Variants in CCDC192 observed in about 807,000 individuals in gnomAD.
The protein encoded by CCDC192 is coiled-coil domain containing 192.
At chr5:127,762,492 A>C (rs963582618) in intron 3 of CCDC192, among the ~76,000 whole-genome samples, 4 of 152,186 alleles carry the variant, frequency 2.6e-5, no homozygotes, top group African/African-American at 9.7e-5. Context: ...AATGCAAGGA[A>C]AAAAATAGAA....
At chr5:127,869,924 A>G (rs182919282) in intron 5 of CCDC192, among the ~76,000 whole-genome samples, 26 of 152,304 alleles carry the variant, frequency 1.7e-4, no homozygotes, top group Admixed American at 1.2e-3. Flanking sequence ...TTTGATTTCC[A>G]AGATCTGACT....
intron 2 of CCDC192, among the ~76,000 whole-genome samples, chr5:127,734,241 A>G (rs1444613513): frequency 2.6e-5 from 4 of 151,554 alleles, no homozygotes; most frequent in Admixed American, 2.6e-4. Flanking sequence ...CCATGTCCCT[A>G]CAAAGGACAT....
At chr5:127,865,078 C>T (rs767666515) in intron 5 of CCDC192, among the ~76,000 whole-genome samples, 6 of 152,014 alleles carry the variant, frequency 3.9e-5, no homozygotes, top group Non-Finnish European at 5.9e-5. Flanking sequence ...ACCCGGGAGG[C>T]GGAGGTTGCA....
intron 3 of CCDC192, among the ~76,000 whole-genome samples, chr5:127,773,844 T>G (rs1345926450): frequency 6.6e-6 from 1 of 152,196 alleles, no homozygotes; most frequent in Non-Finnish European, 1.5e-5. Flanking sequence ...ACCAATTATT[T>G]TCCACATTGC....
intron 6 of CCDC192, among the ~76,000 whole-genome samples, chr5:127,899,498 TAAAG>T (rs1752982784): frequency 6.9e-6 from 1 of 143,916 alleles, no homozygotes; most frequent in Admixed American, 7.2e-5. Flanking sequence ...CTCCTGAACT[TAAAG>T]AACATAAACA....
At chr5:127,841,864 G>A (rs1221642480) in intron 5 of CCDC192, among the ~76,000 whole-genome samples, 1 of 152,186 alleles carries the variant, frequency 6.6e-6, no homozygotes, top group African/African-American at 2.4e-5. Context: ...GTTTCTACAG[G>A]GGCCAGGCAG....
rs1216710560 is a variant in CCDC192 at position 127,797,800 on chromosome 5, A to AAT, written c.355-295_355-294dup. On this transcript the variant is annotated intron_variant, in intron 4 of 6. Transcript: ENST00000514853. ...ATATTTATTTATTTATTTATTTGTA[A>AAT]ATATATATATATTTATATGATATAG... 1.7e-4 allele frequency among the ~76,000 whole-genome samples: 21 copies of AAT among 125,410 alleles called. 1 individual carries two copies. The highest frequency in any genetic ancestry group is 8.9e-4 in the Admixed American group (11 of 12,396). 82.3% of individuals were successfully genotyped at this position (125,410 alleles called of 152,430 possible). A position where few individuals can be genotyped will look rare whatever the true frequency, so the allele number is the denominator to read the frequency against.
chr5:127,742,728 G>A lies in CCDC192; in HGVS notation c.115-11540G>A, dbSNP rs144125345. Among the ~76,000 whole-genome samples, 451 of 152,134 alleles carry A rather than the reference G, an allele frequency of 3.0e-3. 2 individuals carry two copies. Among genetic ancestry groups the A allele is most frequent in the Non-Finnish European group, 4.7e-3 (320 of 67,998 alleles). ...TAATTTCCATGTACCACCATCATTT[G>A]TTAAAGAAATATCCTCTTAACACCA... On this transcript the variant is annotated intron_variant, in intron 2 of 6. Coordinates refer to ENST00000514853, the MANE Select transcript of CCDC192 (RefSeq NM_001317938.2).
At chr5:127,719,474 T>TATATATATATATATACACAC (rs1751841310) in intron 2 of CCDC192, among the ~76,000 whole-genome samples, 1 of 72,672 alleles carries the variant, frequency 1.4e-5, no homozygotes, top group Non-Finnish European at 2.9e-5. Context: ...TACAGACACA[T>TATATATATATATATACACAC]ACATATATAT....
intron 1 of CCDC192, among the ~76,000 whole-genome samples, 183 bp downstream of exon 1, chr5:127,703,690 G>A (rs1481616231): frequency 6.6e-6 from 1 of 152,098 alleles, no homozygotes; most frequent in Non-Finnish European, 1.5e-5. Flanking sequence ...CAGATCACAG[G>A]GCATGGCCTG....
chr5:127,710,560 A>C (rs544936754), intron 2 of CCDC192, among the ~76,000 whole-genome samples: 1 of 152,228 alleles, frequency 6.6e-6, no homozygotes, highest in South Asian at 2.1e-4. Context: ...GAGCTTTATT[A>C]GTCTCTGGGA....
intron 6 of CCDC192, among the ~76,000 whole-genome samples, chr5:127,939,975 G>A (rs1347465713): frequency 6.6e-6 from 1 of 152,178 alleles, no homozygotes; most frequent in East Asian, 1.9e-4. Flanking sequence ...TTATACCTAA[G>A]TCTGCCTTTT....
In CCDC192 at chr5:127,884,883, G is replaced by A. The variant is rs548321835; in HGVS notation, c.535+9222G>A. On this transcript the variant is annotated intron_variant, in intron 6 of 6. Coordinates refer to ENST00000514853, the MANE Select transcript of CCDC192 (RefSeq NM_001317938.2). ...CTACTTATTTAGGTCCTTCCTTTGC[G>A]AGAGGTCTGGAAATCTATTTATTTT... Among the ~76,000 whole-genome samples, 18 of 152,010 alleles carry A rather than the reference G, an allele frequency of 1.2e-4. 1 individual carries two copies. The South Asian group carries it at 3.3e-3, about 28-fold the overall frequency.
At chr5:127,862,932 A>T (rs1004097948) in intron 5 of CCDC192, among the ~76,000 whole-genome samples, 1 of 136,654 alleles carries the variant, frequency 7.3e-6, no homozygotes, top group African/African-American at 3.0e-5. Context: ...TTTATTTAAA[A>T]AAAAAAAAAA....
chr5:127,932,409 G>A (rs1318571682), intron 6 of CCDC192, among the ~76,000 whole-genome samples: 2 of 151,906 alleles, frequency 1.3e-5, no homozygotes, highest in African/African-American at 4.8e-5. Flanking sequence ...TCTCCATGTT[G>A]GTCAGGCTGG....
At chr5:127,904,057 C>T (rs1015403291) in intron 6 of CCDC192, among the ~76,000 whole-genome samples, 9 of 152,072 alleles carry the variant, frequency 5.9e-5, no homozygotes. Context: ...TCACCTGAGT[C>T]CTTAAAAGCA....
chr5:127,747,291 G>A (rs372123584), intron 2 of CCDC192, among the ~76,000 whole-genome samples: 80 of 151,056 alleles, frequency 5.3e-4, no homozygotes, highest in South Asian at 2.3e-3. Flanking sequence ...AGAGTGTGAT[G>A]TTCCCCTTCC....
At chr5:127,902,066 T>C (rs1753051917) in intron 6 of CCDC192, among the ~76,000 whole-genome samples, 1 of 151,500 alleles carries the variant, frequency 6.6e-6, no homozygotes, top group African/African-American at 2.4e-5. Context: ...AGGTCAGGAG[T>C]TCAAGACCAG....
intron 5 of CCDC192, among the ~76,000 whole-genome samples, chr5:127,851,561 G>T (rs1561523036): frequency 6.6e-6 from 1 of 152,112 alleles, no homozygotes; most frequent in African/African-American, 2.4e-5. Flanking sequence ...AGGTTCAAGC[G>T]ATTCTTCTGC....
Sources: gnomAD v4.1 joint callset for allele counts (sites outside exome capture counted in the v4.1 genomes callset) on GRCh38, gnomAD v4.1.1 for gene constraint, MANE v1.5 for transcripts, NCBI Gene and HGNC (gene_info 2026-07-23, HGNC 2026-07-21) for gene names.